Variants in CTNNA2 observed in about 807,000 individuals in gnomAD.
CTNNA2 encodes catenin alpha-2.
Under a neutral mutation model 101.0 loss-of-function variants are expected in CTNNA2, and 42 were observed. The ratio of observed to expected loss-of-function variants is 0.42; its 90% CI spans 0.32 to 0.54. CTNNA2 has a LOEUF of 0.54. Among genes scored for constraint, CTNNA2 ranks in the 20% least tolerant of loss-of-function variants. The pLI is 0.14. For synonymous variants in CTNNA2, 450 were observed against 456.4 expected (o/e 0.99, Z 0.18); for missense variants, 871 against 1,223.1 (o/e 0.71, Z 4.29).
intron 1 of CTNNA2, among the ~76,000 whole-genome samples, chr2:79,645,787 C>T (rs1680775698): frequency 6.6e-6 from 1 of 152,188 alleles, no homozygotes; most frequent in Non-Finnish European, 1.5e-5. Context: ...TATCACCATC[C>T]TTGTTTTACA....
chr2:79,712,549 A>G (rs575527615), intron 2 of CTNNA2, among the ~76,000 whole-genome samples: 152 of 152,254 alleles, frequency 1.0e-3, no homozygotes, highest in Non-Finnish European at 1.8e-3. Flanking sequence ...AATCCTTGGG[A>G]TGAGGCAGTA....
intron 4 of CTNNA2, among the ~76,000 whole-genome samples, chr2:79,464,569 A>C (rs1004751412): frequency 3.3e-5 from 5 of 152,176 alleles, no homozygotes; most frequent in African/African-American, 9.7e-5. Flanking sequence ...ACTGTCTTCC[A>C]CAATGGTTGA....
intron 4 of CTNNA2, among the ~76,000 whole-genome samples, chr2:79,491,786 A>G (rs1173709591): frequency 6.6e-6 from 1 of 152,216 alleles, no homozygotes; most frequent in African/African-American, 2.4e-5. Flanking sequence ...CCTAGATACA[A>G]CCATGCTTTT....
chr2:80,484,444 T>G (rs1686392437), intron 9 of CTNNA2, among the ~76,000 whole-genome samples: 1 of 152,276 alleles, frequency 6.6e-6, no homozygotes, highest in South Asian at 2.1e-4. Flanking sequence ...GTAATAATAC[T>G]TGGCTCATTG....
intron 1 of CTNNA2, among the ~76,000 whole-genome samples, chr2:79,548,329 T>A (rs1168677665): frequency 6.6e-6 from 1 of 152,252 alleles, no homozygotes; most frequent in Non-Finnish European, 1.5e-5. Context: ...GTTTCTTATC[T>A]TAAATGTTTC....
intron 2 of CTNNA2, among the ~76,000 whole-genome samples, chr2:79,214,329 T>G (rs1389202750): frequency 1.3e-5 from 2 of 152,216 alleles, no homozygotes; most frequent in East Asian, 3.9e-4. Flanking sequence ...AAAGCATGTT[T>G]GAGATCTAGA....
At chr2:80,207,499 T>C (rs1320209970) in intron 7 of CTNNA2, among the ~76,000 whole-genome samples, 1 of 152,022 alleles carries the variant, frequency 6.6e-6, no homozygotes, top group African/African-American at 2.4e-5. Flanking sequence ...AGTGAAGAGA[T>C]GGTGAGTGTC....
intron 9 of CTNNA2, among the ~76,000 whole-genome samples, chr2:80,476,814 G>T (rs1410279772): frequency 6.6e-6 from 1 of 152,118 alleles, no homozygotes; most frequent in South Asian, 2.1e-4. Context: ...CTAATTACAT[G>T]TTGTTCACCT....
chr2:80,477,988 C>A (rs1026084757), intron 9 of CTNNA2, among the ~76,000 whole-genome samples: 2 of 152,060 alleles, frequency 1.3e-5, no homozygotes, highest in South Asian at 4.1e-4. Context: ...CCTTAGAGGT[C>A]GTACTAATTT....
chr2:80,153,769 T>C (rs1703844485), intron 7 of CTNNA2, among the ~76,000 whole-genome samples: 1 of 152,190 alleles, frequency 6.6e-6, no homozygotes. Context: ...CCCTTCTGCT[T>C]CTGGAGGGAA....
intron 7 of CTNNA2, among the ~76,000 whole-genome samples, chr2:80,276,012 T>C (rs1034854700): frequency 1.3e-5 from 2 of 152,054 alleles, no homozygotes; most frequent in Admixed American, 6.6e-5. Flanking sequence ...AACTTTATAA[T>C]GGAGGGAAAT....
intron 7 of CTNNA2, among the ~76,000 whole-genome samples, chr2:80,145,705 A>G (rs906263459): frequency 1.3e-5 from 2 of 152,232 alleles, no homozygotes; most frequent in Non-Finnish European, 2.9e-5. Context: ...CTAGCAGATC[A>G]AAGTCTACCA....
intron 7 of CTNNA2, among the ~76,000 whole-genome samples, chr2:79,986,153 A>G (rs1691744706): frequency 6.6e-6 from 1 of 152,204 alleles, no homozygotes; most frequent in Non-Finnish European, 1.5e-5. Context: ...AAAAATTGTC[A>G]AGACCTCTTT....
intron 7 of CTNNA2, among the ~76,000 whole-genome samples, chr2:80,338,044 A>G (rs779407530): frequency 2.6e-5 from 4 of 151,870 alleles, no homozygotes; most frequent in Non-Finnish European, 4.4e-5. Context: ...GCTGGACTGC[A>G]GTAGCACAGT....
chr2:79,503,286 A>G (rs1445301339), intron 4 of CTNNA2, among the ~76,000 whole-genome samples: 1 of 152,178 alleles, frequency 6.6e-6, no homozygotes, highest in Non-Finnish European at 1.5e-5. Context: ...GTAAAACAAT[A>G]TCATATATGA....
At chr2:80,275,191 C>G (rs1185389395) in intron 7 of CTNNA2, among the ~76,000 whole-genome samples, 1 of 152,126 alleles carries the variant, frequency 6.6e-6, no homozygotes, top group Non-Finnish European at 1.5e-5. Context: ...TTAGTTGAAC[C>G]CTGTTCCAAA....
intron 9 of CTNNA2, among the ~76,000 whole-genome samples, chr2:80,521,046 G>A (rs529581188): frequency 6.6e-6 from 1 of 152,194 alleles, no homozygotes; most frequent in South Asian, 2.1e-4. Context: ...CTGGCCCTCA[G>A]TGAGAGAAAC....
intron 2 of CTNNA2, among the ~76,000 whole-genome samples, chr2:79,312,159 T>A (rs1393142398): frequency 5.3e-5 from 8 of 152,130 alleles, no homozygotes; most frequent in Non-Finnish European, 1.2e-4. Context: ...TCTTCCTACC[T>A]CAGCCTCTCA....
chr2:80,183,414 C>G (rs2148984603), intron 7 of CTNNA2, among the ~76,000 whole-genome samples: 1 of 152,240 alleles, frequency 6.6e-6, no homozygotes, highest in East Asian at 1.9e-4. Flanking sequence ...TTGGTTTTGG[C>G]AGATGGAAAG....
Sources: gnomAD v4.1 joint callset for allele counts (sites outside exome capture counted in the v4.1 genomes callset) on GRCh38, gnomAD v4.1.1 for gene constraint, MANE v1.5 for transcripts, NCBI Gene and HGNC (gene_info 2026-07-23, HGNC 2026-07-21) for gene names.